TPTE: variants seen among roughly 807,000 people sequenced by gnomAD.
TPTE encodes the protein putative tyrosine-protein phosphatase TPTE.
TPTE carries 59 observed loss-of-function variants against 84.1 expected under a neutral mutation model. That is an observed-to-expected ratio of 0.70 (90% CI 0.57 to 0.87). The LOEUF (loss-of-function observed/expected upper bound fraction) is 0.87, where lower values mean the gene tolerates loss of function less well. TPTE is among the 40% of genes least tolerant of loss of function. The pLI is 0.00. For missense variants in TPTE, 382 were observed against 659.6 expected (o/e 0.58, Z 4.61); for synonymous variants, 130 against 223.5 (o/e 0.58, Z 3.73).
chr21:10,598,309 A>T (rs1230866968), intron 21 of TPTE, among the ~76,000 whole-genome samples: 3 of 152,414 alleles, frequency 2.0e-5, no homozygotes, highest in Non-Finnish European at 2.9e-5. Context: ...GCTTTCCAGA[A>T]TTTATTTCTG....
chr21:10,570,669 A>T, intron 14 of TPTE, 120 bp downstream of exon 14: 2 of 1,573,594 alleles, frequency 1.3e-6, no homozygotes, highest in Non-Finnish European at 1.7e-6. Flanking sequence ...TCAAGGAAAA[A>T]AAATCATAAT....
intron 7 of TPTE, among the ~76,000 whole-genome samples, chr21:10,552,106 C>T (rs2074586494): frequency 6.6e-6 from 1 of 152,312 alleles, no homozygotes; most frequent in African/African-American, 2.4e-5. Flanking sequence ...CGCCCTCCAC[C>T]AGCAAAAGGT....
chr21:10,581,292 A>C (rs1334543570), intron 17 of TPTE, among the ~76,000 whole-genome samples: 2 of 152,312 alleles, frequency 1.3e-5, no homozygotes, highest in Admixed American at 6.5e-5. Context: ...TGGCCATTTC[A>C]CATTGTCCAA....
At chr21:10,570,414 TA>T (rs1600924001) in intron 13 of TPTE, 70 bp from the exon 14 acceptor site, 1 of 1,610,342 alleles carries the variant, frequency 6.2e-7, no homozygotes. Flanking sequence ...TGATCATGTA[TA>T]AATTAATTTT....
chr21:10,536,683 A>G (rs1311844939), intron 3 of TPTE, among the ~76,000 whole-genome samples: 2 of 152,310 alleles, frequency 1.3e-5, no homozygotes, highest in African/African-American at 4.8e-5. Flanking sequence ...TGTCTTTTAC[A>G]CTGTTTATAA....
chr21:10,578,359 G>C lies in TPTE; in HGVS notation c.879G>C (p.Lys293Asn), dbSNP rs772565284. ...TAGGTGAAAGAGCTTACGATCCTAA[G>C]CACTTCCATAATAGGGTCGTTAGAA... ...NLCSERAYDP[K>N]HFHNRVVRIM... Residue 293 changes from lysine (K) to asparagine (N), a missense_variant, in exon 16 of 24, where the codon AAG (lysine) becomes AAC (asparagine). Lys to Asn is a moderately conservative substitution (Grantham distance 94). Around this residue, in one of 10 missense-constraint regions of TPTE, gnomAD observed 85 missense variants for 230.9 expected, o/e 0.37. Coordinates refer to ENST00000618007, the MANE Select transcript of TPTE (RefSeq NM_199261.4). The C allele has an allele frequency of 1.9e-6, 3 of 1,611,800 alleles. No individual in the cohort carries two copies. Among genetic ancestry groups the C allele is most frequent in the African/African-American group, 2.7e-5 (2 of 74,880 alleles).
At chr21:10,596,808 C>G (rs1353511361) in intron 20 of TPTE, among the ~76,000 whole-genome samples, 1 of 152,288 alleles carries the variant, frequency 6.6e-6, no homozygotes, top group Admixed American at 6.5e-5. Context: ...CACAGACAGC[C>G]TAGTATTTTT....
chr21:10,587,157 C>A (rs1325875482), intron 17 of TPTE, among the ~76,000 whole-genome samples: 1 of 152,310 alleles, frequency 6.6e-6, no homozygotes, highest in Admixed American at 6.5e-5. Context: ...ATGATTCTTG[C>A]ATTTGTTATT....
intron 10 of TPTE, among the ~76,000 whole-genome samples, chr21:10,565,115 A>G (rs1218086929): frequency 2.0e-4 from 30 of 152,414 alleles, no homozygotes; most frequent in African/African-American, 6.7e-4. Flanking sequence ...AATACTAAAG[A>G]CTCCACCAAA....
At chr21:10,525,630 C>T (rs1778169069) in intron 2 of TPTE, among the ~76,000 whole-genome samples, 1 of 152,310 alleles carries the variant, frequency 6.6e-6, no homozygotes, top group Non-Finnish European at 1.5e-5. Flanking sequence ...CTTCAGCTAA[C>T]TCAAACTTCT....
chr21:10,587,552 T>G (rs2075388922), intron 17 of TPTE, among the ~76,000 whole-genome samples: 1 of 143,674 alleles, frequency 7.0e-6, no homozygotes, highest in Non-Finnish European at 1.5e-5. Flanking sequence ...AATGATTTCT[T>G]TTTTTTTTTT....
At chr21:10,561,253 G>A (rs1357975391) in intron 10 of TPTE, 62 bp downstream of exon 10, 148 of 1,595,422 alleles carry the variant, frequency 9.3e-5, no homozygotes, top group South Asian at 5.5e-4. Flanking sequence ...AAGCACTTTC[G>A]GAGGCTGAGG....
chr21:10,548,524 C>T (rs1283721379), intron 7 of TPTE, among the ~76,000 whole-genome samples: 1 of 152,310 alleles, frequency 6.6e-6, no homozygotes, highest in East Asian at 1.9e-4. Flanking sequence ...AGGCACCACC[C>T]AGGCCAGCTG....
chr21:10,540,546 A>ATC (rs1875428073), intron 4 of TPTE, among the ~76,000 whole-genome samples: 2 of 152,308 alleles, frequency 1.3e-5, no homozygotes, highest in Non-Finnish European at 2.9e-5. Flanking sequence ...GAGTGGACAA[A>ATC]GATCAGAGAA....
chr21:10,531,218 C>T (rs553885238), intron 3 of TPTE, among the ~76,000 whole-genome samples: 15 of 152,406 alleles, frequency 9.8e-5, no homozygotes, highest in Admixed American at 7.2e-4. Flanking sequence ...GAAATTTGAT[C>T]CCCAATGTCG....
chr21:10,591,039 TTAGA>T (rs1232168790), intron 18 of TPTE, among the ~76,000 whole-genome samples: 1 of 152,308 alleles, frequency 6.6e-6, no homozygotes, highest in Non-Finnish European at 1.5e-5. Context: ...TCAAGCTTAA[TTAGA>T]TAAATTCTCC....
At chr21:10,568,318 TA>T (rs1390363831) in intron 11 of TPTE, among the ~76,000 whole-genome samples, 1 of 152,308 alleles carries the variant, frequency 6.6e-6, no homozygotes, top group Non-Finnish European at 1.5e-5. Context: ...CATGAGTTTC[TA>T]AAAAATAGCA....
Position 10,560,974 on chromosome 21 carries a change from C to A in TPTE, c.285-56C>A. On this transcript the variant is annotated intron_variant, in intron 9 of 23. Coordinates refer to ENST00000618007, the MANE Select transcript of TPTE (RefSeq NM_199261.4). Reference sequence around the variant, plus strand: ...CTTAAATATAGTATAGCTACAGGGACAAATGCCCCTTTATCTTTGCATTTA... The same window carrying A: ...CTTAAATATAGTATAGCTACAGGGAAAAATGCCCCTTTATCTTTGCATTTA... 6 of 1,570,630 alleles carry A rather than the reference C, an allele frequency of 3.8e-6. No homozygotes were observed. In the South Asian group the frequency reaches 4.7e-5, roughly 12 times the overall value.
Position 10,564,767 on chromosome 21 carries a change from T to G in TPTE, c.447-2903T>G, listed in dbSNP as rs555112813. The stretch of plus-strand genomic sequence containing the variant: ...ATAAAAACCATAAGATCATTTCAGT[T>G]GATGCTGAAAAAGCATTTGATAAAA... On this transcript the variant is annotated intron_variant, in intron 10 of 23. Coordinates refer to ENST00000618007, the MANE Select transcript of TPTE (RefSeq NM_199261.4). Among the ~76,000 whole-genome samples, 29 of 152,386 alleles carry G rather than the reference T, an allele frequency of 1.9e-4. No homozygotes were observed. In the South Asian group the frequency reaches 6.0e-3, roughly 32 times the overall value.
Sources: gnomAD v4.1 joint callset for allele counts (sites outside exome capture counted in the v4.1 genomes callset) on GRCh38, gnomAD v4.1.1 for gene constraint, gnomAD v4.1.1 regional missense constraint, MANE v1.5 for transcripts, NCBI Gene and HGNC (gene_info 2026-07-23, HGNC 2026-07-21) for gene names.